Variants in STMN4 observed in about 807,000 individuals in gnomAD.
STMN4 encodes the protein stathmin-4.
STMN4 carries 12 observed loss-of-function variants against 29.1 expected under a neutral mutation model. The ratio of observed to expected loss-of-function variants is 0.41; its 90% CI spans 0.26 to 0.67. The LOEUF (loss-of-function observed/expected upper bound fraction) is 0.67, where lower values mean the gene tolerates loss of function less well. Ranked by LOEUF, STMN4 falls within the 30% of genes least tolerant of loss-of-function variation. STMN4 has a pLI of 0.30. For synonymous variants in STMN4, 114 were observed against 105.3 expected, an observed-to-expected ratio of 1.08 and a Z score of -0.51; for missense variants, 181 against 262.8, an observed-to-expected ratio of 0.69 and a Z score of 2.15.
chr8:27,248,617 C>T (rs1418585312), intron 1 of STMN4, among the ~76,000 whole-genome samples: 1 of 152,150 alleles, frequency 6.6e-6, no homozygotes, highest in Admixed American at 6.5e-5. Flanking sequence ...ATAACAACTA[C>T]CATTCTTGGG....
At chr8:27,241,781 G>T (rs369377540) in intron 3 of STMN4, 24 bp from the exon 4 acceptor site, 2 of 1,613,844 alleles carry the variant, frequency 1.2e-6, no homozygotes, top group Non-Finnish European at 1.7e-6. Context: ...ACAACCTCAG[G>T]TCATCCGAGC....
At chr8:27,255,437 G>C (rs1428204261) in intron 1 of STMN4, among the ~76,000 whole-genome samples, 1 of 152,166 alleles carries the variant, frequency 6.6e-6, no homozygotes, top group African/African-American at 2.4e-5. Context: ...GAGGGGGCAG[G>C]GGAGACAGTC....
intron 2 of STMN4, 119 bp downstream of exon 2, chr8:27,243,592 C>T (rs1326564089): frequency 5.6e-6 from 6 of 1,075,298 alleles, no homozygotes; most frequent in Middle Eastern, 2.5e-4. Context: ...CTACCTGCAC[C>T]CCCCCACACA....
Position 27,254,614 on chromosome 8 carries a change from G to A in STMN4, c.-79+3737C>T, listed in dbSNP as rs117493911. 1.3e-4 allele frequency among the ~76,000 whole-genome samples: 20 copies of A among 152,168 alleles called. No homozygotes were observed. In the East Asian group the frequency reaches 3.9e-3, roughly 29 times the overall value. ...TGCCTATGTGTGTGTAGGGGATGGA[G>A]TGGGAGCACTCACATGTGTGTAGGG... is the stretch of plus-strand genomic sequence containing the variant. On this transcript the variant is annotated intron_variant, in intron 1 of 6. Coordinates refer to ENST00000350889, the MANE Select transcript of STMN4 (RefSeq NM_030795.4).
chr8:27,236,672 T>A lies in STMN4; in HGVS notation c.*174A>T. ...GTTCCCCGGAAACAAATAGGATGGC[T>A]TCACTGGTCAATTCTTAACATGTAC... On this transcript the variant is annotated 3_prime_UTR_variant, in exon 7 of 7. Transcript: ENST00000350889. The A allele has an allele frequency of 2.0e-6, 1 of 498,292 alleles. No homozygotes were observed. Among genetic ancestry groups the A allele is most frequent in the South Asian group, 3.8e-5 (1 of 25,990 alleles). 30.9% of individuals were successfully genotyped at this position (498,292 alleles called of 1,614,324 possible).
At chr8:27,242,122 C>G (rs1275139800) in intron 3 of STMN4, 3 of 567,650 alleles carry the variant, frequency 5.3e-6, no homozygotes, top group Non-Finnish European at 9.4e-6. Context: ...TTGCATACCC[C>G]CCAGTCTCGA....
intron 1 of STMN4, among the ~76,000 whole-genome samples, chr8:27,248,292 A>G (rs1801686659): frequency 6.6e-6 from 1 of 152,164 alleles, no homozygotes; most frequent in African/African-American, 2.4e-5. Flanking sequence ...GATGGCAAAG[A>G]TTCGAGTGTG....
intron 1 of STMN4, among the ~76,000 whole-genome samples, chr8:27,255,829 TAAGCAGCCATCC>T (rs1801924745): frequency 6.6e-6 from 1 of 152,186 alleles, no homozygotes; most frequent in East Asian, 1.9e-4. Flanking sequence ...ATCTAGCTAT[TAAGCAGCCATCC>T]AAGCAAAAAT....
intron 1 of STMN4, among the ~76,000 whole-genome samples, chr8:27,257,534 A>G (rs1037649874): frequency 1.3e-5 from 2 of 151,840 alleles, no homozygotes; most frequent in African/African-American, 4.8e-5. Context: ...GTTCAGGACA[A>G]CAAGACTCCA....
chr8:27,238,380 G>A (rs897813849), intron 6 of STMN4, among the ~76,000 whole-genome samples: 40 of 152,162 alleles, frequency 2.6e-4, no homozygotes, highest in Admixed American at 2.6e-3. Context: ...GGGTAAAGGG[G>A]AGCAGGGGCC....
At chr8:27,242,358 C>A (rs751952262) in intron 3 of STMN4, 39 bp downstream of exon 3, 6 of 1,603,160 alleles carry the variant, frequency 3.7e-6, no homozygotes, top group Middle Eastern at 1.7e-4. Context: ...GACACAGGGC[C>A]CCCCCGCCCC....
intron 6 of STMN4, among the ~76,000 whole-genome samples, 186 bp from the exon 7 acceptor site, chr8:27,237,091 C>T (rs1051250381): frequency 2.6e-5 from 4 of 152,156 alleles, no homozygotes; most frequent in African/African-American, 9.7e-5. Context: ...AGGGGGCAAG[C>T]CTACTGGTGC....
At chr8:27,249,195 G>T (rs1801714077) in intron 1 of STMN4, among the ~76,000 whole-genome samples, 1 of 152,202 alleles carries the variant, frequency 6.6e-6, no homozygotes, top group Non-Finnish European at 1.5e-5. Context: ...GTTGACTGAG[G>T]AGGGATCTCA....
At chr8:27,244,941 C>T (rs1013923438) in intron 1 of STMN4, among the ~76,000 whole-genome samples, 5 of 152,092 alleles carry the variant, frequency 3.3e-5, no homozygotes, top group African/African-American at 7.2e-5. Flanking sequence ...GGGAGGGTGG[C>T]GAGAGCCAGC....
At position 27,235,542 on chromosome 8, in the gene STMN4, A is replaced by T; in HGVS notation, c.*1304T>A. 6.6e-6 allele frequency: 1 copy of T among 152,206 alleles called. No individual in the cohort carries two copies. The highest frequency in any genetic ancestry group is 1.9e-4 in the East Asian group (1 of 5,198). 9.4% of individuals were successfully genotyped at this position (152,206 alleles called of 1,614,324 possible). On this transcript the variant is annotated 3_prime_UTR_variant, in exon 7 of 7. Transcript: ENST00000350889. ...CCTCCTTTGCCTTCTACTAGCAAAC[A>T]CTTTATTTCCTTGCTCGTATTTTCT...
At chr8:27,252,273 G>A (rs929452326) in intron 1 of STMN4, among the ~76,000 whole-genome samples, 1 of 152,124 alleles carries the variant, frequency 6.6e-6, no homozygotes, top group East Asian at 1.9e-4. Flanking sequence ...ATAAACATAC[G>A]TGTCCATGTG....
At chr8:27,237,740 C>T (rs1280156848) in intron 6 of STMN4, among the ~76,000 whole-genome samples, 1 of 152,206 alleles carries the variant, frequency 6.6e-6, no homozygotes. Context: ...CTTCTCCAAC[C>T]AGGCCTCAGT....
At chr8:27,237,030 C>G (rs562330253) in intron 6 of STMN4, 125 bp from the exon 7 acceptor site, 6 of 1,059,004 alleles carry the variant, frequency 5.7e-6, no homozygotes, top group African/African-American at 1.6e-5. Flanking sequence ...GCTCTGTCTG[C>G]AAAGGCATCC....
At chr8:27,241,029 G>A in intron 5 of STMN4, 25 bp downstream of exon 5, 3 of 1,598,676 alleles carry the variant, frequency 1.9e-6, no homozygotes, top group Non-Finnish European at 2.6e-6. Flanking sequence ...TGAGAGGGAG[G>A]AAAGAAGGAA....
Sources: gnomAD v4.1 joint callset for allele counts (sites outside exome capture counted in the v4.1 genomes callset) on GRCh38, gnomAD v4.1.1 for gene constraint, MANE v1.5 for transcripts, NCBI Gene and HGNC (gene_info 2026-07-23, HGNC 2026-07-21) for gene names.